Variants in DGAT1 observed in about 807,000 individuals in gnomAD.
DGAT1 encodes ACAT related gene product 1.
Under a neutral mutation model 72.6 loss-of-function variants are expected in DGAT1, and 60 were observed. The observed-to-expected ratio is 0.83, with a 90% CI of 0.67 to 1.02. The LOEUF (loss-of-function observed/expected upper bound fraction) is 1.02, where lower values mean the gene tolerates loss of function less well. DGAT1 is among the 50% of genes least tolerant of loss of function. The pLI is 0.00. For missense variants in DGAT1, 592 were observed against 670.0 expected (o/e 0.88, Z 1.29); for synonymous variants, 290 against 267.5 (o/e 1.08, Z -0.82).
Position 144,326,841 on chromosome 8 carries a change from G to C in DGAT1, c.-205C>G. The C allele has an allele frequency of 3.7e-6, 1 of 273,052 alleles. No individual in the cohort carries two copies. Among genetic ancestry groups the C allele is most frequent in the Non-Finnish European group, 6.3e-6 (1 of 159,832 alleles). The allele number at this position is 273,052 out of a possible 1,614,324, so 16.9% of individuals were successfully genotyped here. A position where few individuals can be genotyped will look rare whatever the true frequency, so the allele number is the denominator to read the frequency against. On this transcript the variant is annotated 5_prime_UTR_variant, in exon 1 of 17. Transcript: ENST00000528718. Reference sequence around the variant, plus strand: ...CAAGGACAACGGCTGCGTTGCTCCGGAGCCGCTAACTAATGGACGGCCGCC... The same window carrying C: ...CAAGGACAACGGCTGCGTTGCTCCGCAGCCGCTAACTAATGGACGGCCGCC...
chr8:144,317,329 T>A lies in DGAT1; in HGVS notation c.1094+4A>T, dbSNP rs781911226. 8 of 1,613,426 alleles carry A rather than the reference T, an allele frequency of 5.0e-6. No homozygotes were observed. The highest frequency in any genetic ancestry group is 6.8e-6 in the Non-Finnish European group (8 of 1,179,810). On this transcript the variant is annotated splice_donor_region_variant and intron_variant, in intron 13 of 16. Transcript: ENST00000528718. ...GCCCCCAGGGACACCCCAGGGACACTCACCACCAGTCCCGGTAGAACTCCC... is the reference window on the plus strand; with the variant it reads ...GCCCCCAGGGACACCCCAGGGACACACACCACCAGTCCCGGTAGAACTCCC...
chr8:144,317,322 G>A lies in DGAT1; in HGVS notation c.1094+11C>T. The A allele has an allele frequency of 6.2e-7, 1 of 1,613,414 alleles. No homozygotes were observed. The highest frequency in any genetic ancestry group is 1.7e-5 in the Admixed American group (1 of 60,016). On this transcript the variant is annotated intron_variant, in intron 13 of 16. Transcript: ENST00000528718. ...CATCCCAGCCCCCAGGGACACCCCA[G>A]GGACACTCACCACCAGTCCCGGTAG...
chr8:144,319,154 G>T, intron 2 of DGAT1, 86 bp from the exon 3 acceptor site: 1 of 1,475,896 alleles, frequency 6.8e-7, no homozygotes, highest in Non-Finnish European at 9.2e-7. Context: ...CTCTGGGCAC[G>T]TCCCAGCCCG....
rs781977696 is a variant in DGAT1 at position 144,316,231 on chromosome 8, G to A, written c.*323C>T. ...AGCTGTCCACACAGCTCTGGCACTC[G>A]CCCTTGTGGGTGTGGCCATACCCCC... is the stretch of plus-strand genomic sequence containing the variant. On this transcript the variant is annotated 3_prime_UTR_variant, in exon 17 of 17. Coordinates refer to ENST00000528718, the MANE Select transcript of DGAT1 (RefSeq NM_012079.6). 47 of 312,144 alleles carry A rather than the reference G, an allele frequency of 1.5e-4. No homozygotes were observed. Among genetic ancestry groups the A allele is most frequent in the Non-Finnish European group, 2.3e-4 (38 of 166,210 alleles). 19.3% of individuals were successfully genotyped at this position (312,144 alleles called of 1,614,324 possible). A position where few individuals can be genotyped will look rare whatever the true frequency, so the allele number is the denominator to read the frequency against.
chr8:144,326,359 C>A, intron 1 of DGAT1, 78 bp downstream of exon 1: 1 of 1,278,234 alleles, frequency 7.8e-7, no homozygotes, highest in South Asian at 1.8e-5. Context: ...TTCTCGGACT[C>A]GGAGCTCGCG....
Position 144,315,394 on chromosome 8 carries a change from C to T in DGAT1, c.*1160G>A, listed in dbSNP as rs1817165602. On this transcript the variant is annotated 3_prime_UTR_variant, in exon 17 of 17. Coordinates refer to ENST00000528718, the MANE Select transcript of DGAT1 (RefSeq NM_012079.6). ...CCACCCTCCCCTCACACCACCAGTT[C>T]AGCAGGTTGCTGATGAGGCCCCTGG... The T allele has an allele frequency of 1.0e-6, 1 of 985,408 alleles. No homozygotes were observed. Among genetic ancestry groups the T allele is most frequent in the African/African-American group, 1.7e-5 (1 of 57,236 alleles). The allele number at this position is 985,408 out of a possible 1,614,324, so 61.0% of individuals were successfully genotyped here. A position where few individuals can be genotyped will look rare whatever the true frequency, so the allele number is the denominator to read the frequency against.
At chr8:144,317,162 TCA>T (rs201213845) in intron 14 of DGAT1, 23 bp downstream of exon 14, 221 of 1,585,018 alleles carry the variant, frequency 1.4e-4, no homozygotes, top group Middle Eastern at 5.0e-4. Context: ...ATGTTCCACA[TCA>T]CACACACACA....
intron 1 of DGAT1, among the ~76,000 whole-genome samples, chr8:144,324,310 G>C (rs1817539378): frequency 6.6e-6 from 1 of 152,200 alleles, no homozygotes; most frequent in Non-Finnish European, 1.5e-5. Context: ...AGAGCAGCAG[G>C]AAGCTGGAGG....
chr8:144,315,784 GC>G lies in DGAT1; in HGVS notation c.*769del. On this transcript the variant is annotated 3_prime_UTR_variant, in exon 17 of 17. Transcript: ENST00000528718. The stretch of plus-strand genomic sequence containing the variant: ...CTGAGAGCCACCAGCCCACCTGGCT[GC>G]CCAGGTTCCAAGTGAAGGAAAGAGG... The G allele has an allele frequency of 1.1e-6, 1 of 952,168 alleles. No homozygotes were observed. Among genetic ancestry groups the G allele is most frequent in the East Asian group, 1.2e-4 (1 of 8,664 alleles). 59.0% of individuals were successfully genotyped at this position (952,168 alleles called of 1,614,324 possible). A position where few individuals can be genotyped will look rare whatever the true frequency, so the allele number is the denominator to read the frequency against.
intron 2 of DGAT1, among the ~76,000 whole-genome samples, chr8:144,319,312 G>A (rs1397349633): frequency 6.6e-6 from 1 of 152,182 alleles, no homozygotes; most frequent in Non-Finnish European, 1.5e-5. Context: ...GGTCCCACAT[G>A]GAGGGAACCA....
intron 2 of DGAT1, among the ~76,000 whole-genome samples, chr8:144,321,029 C>T (rs879995574): frequency 6.6e-6 from 1 of 152,168 alleles, no homozygotes; most frequent in Non-Finnish European, 1.5e-5. Context: ...ACTGTTCGGC[C>T]TCCCCACGCC....
chr8:144,326,824 A>G lies in DGAT1; in HGVS notation c.-188T>C, dbSNP rs552756240. On this transcript the variant is annotated 5_prime_UTR_variant, in exon 1 of 17. Transcript: ENST00000528718. ...GTCGGGCCCGTCGGCCTCAAGGACAACGGCTGCGTTGCTCCGGAGCCGCTA... is the reference window on the plus strand; with the variant it reads ...GTCGGGCCCGTCGGCCTCAAGGACAGCGGCTGCGTTGCTCCGGAGCCGCTA... 6 of 313,908 alleles carry G rather than the reference A, an allele frequency of 1.9e-5. No homozygotes were observed. Among genetic ancestry groups the G allele is most frequent in the Admixed American group, 5.6e-5 (1 of 17,786 alleles). The allele number at this position is 313,908 out of a possible 1,614,324, so 19.4% of individuals were successfully genotyped here. A position where few individuals can be genotyped will look rare whatever the true frequency, so the allele number is the denominator to read the frequency against.
Position 144,315,383 on chromosome 8 carries a change from C to T in DGAT1, c.*1171G>A. 3 of 985,356 alleles carry T rather than the reference C, an allele frequency of 3.0e-6. No homozygotes were observed. The highest frequency in any genetic ancestry group is 3.6e-6 in the Non-Finnish European group (3 of 829,832). 61.0% of individuals were successfully genotyped at this position (985,356 alleles called of 1,614,324 possible). A position where few individuals can be genotyped will look rare whatever the true frequency, so the allele number is the denominator to read the frequency against. ...ACCAAGGGAGCCCACCCTCCCCTCA[C>T]ACCACCAGTTCAGCAGGTTGCTGAT... On this transcript the variant is annotated 3_prime_UTR_variant, in exon 17 of 17. Coordinates refer to ENST00000528718, the MANE Select transcript of DGAT1 (RefSeq NM_012079.6).
intron 1 of DGAT1, among the ~76,000 whole-genome samples, chr8:144,322,180 G>A (rs1206863239): frequency 6.6e-6 from 1 of 152,216 alleles, no homozygotes; most frequent in Non-Finnish European, 1.5e-5. Context: ...TACTGCACAG[G>A]TGGAAGAGGG....
chr8:144,322,644 A>ATG (rs1817490574), intron 1 of DGAT1, among the ~76,000 whole-genome samples: 1 of 152,042 alleles, frequency 6.6e-6, no homozygotes, highest in Non-Finnish European at 1.5e-5. Context: ...CCCCATCTAC[A>ATG]CCTACACAGT....
chr8:144,322,042 G>A (rs1817474755), intron 1 of DGAT1, among the ~76,000 whole-genome samples: 1 of 152,220 alleles, frequency 6.6e-6, no homozygotes, highest in Non-Finnish European at 1.5e-5. Flanking sequence ...AGGCTGAGGG[G>A]GCTGAAAGGA....
In DGAT1 at chr8:144,317,967, G is replaced by T; in HGVS notation, c.802C>A (p.Pro268Thr). The T allele has an allele frequency of 6.6e-7, 1 of 1,519,888 alleles. No individual in the cohort carries two copies. Among genetic ancestry groups the T allele is most frequent in the African/African-American group, 1.4e-5 (1 of 71,854 alleles). The allele number at this position is 1,519,888 out of a possible 1,614,324, so 94.2% of individuals were successfully genotyped here. A position where few individuals can be genotyped will look rare whatever the true frequency, so the allele number is the denominator to read the frequency against. Residue 268 changes from proline to threonine, a missense_variant, in exon 9 of 17, where the codon CCC (proline) becomes ACC (threonine). By Grantham distance (38) the Pro-to-Thr change is conservative. Coordinates refer to ENST00000528718, the MANE Select transcript of DGAT1 (RefSeq NM_012079.6). ...CGCTTCCGGATGCGGGGAGAGCGGGGAAAGTTGAGCTCGTAGCACAAGGTG... is the reference window on the plus strand; with the variant it reads ...CGCTTCCGGATGCGGGGAGAGCGGGTAAAGTTGAGCTCGTAGCACAAGGTG... ...APTLCYELNFPRSPRIRKRFL... is the reference protein window; with the variant it reads ...APTLCYELNFTRSPRIRKRFL...
rs1817261737 is a variant in DGAT1, at chr8:144,317,103, G to C, written c.1167C>G (p.Phe389Leu). ...TGCCCCGTCGAAGCATGGGCTTGTA[G>C]AAGTGTCTGCAGAGGAGGGGGCATG... ...IPVHKWCIRH[F>L]YKPMLRRGSS... The change falls in exon 15 of 17, where the codon TTC (phenylalanine) becomes TTG (leucine). Residue 389 changes from phenylalanine (F) to leucine (L), a missense_variant. Phe to Leu is a conservative substitution (Grantham distance 22). Coordinates refer to ENST00000528718, the MANE Select transcript of DGAT1 (RefSeq NM_012079.6). The C allele has an allele frequency of 6.2e-7, 1 of 1,613,094 alleles. No individual in the cohort carries two copies. Among genetic ancestry groups the C allele is most frequent in the Non-Finnish European group, 8.5e-7 (1 of 1,179,926 alleles).
chr8:144,326,370 C>A, intron 1 of DGAT1, 67 bp downstream of exon 1: 1 of 1,328,108 alleles, frequency 7.5e-7, no homozygotes, highest in Non-Finnish European at 9.8e-7. Flanking sequence ...GGAGCTCGCG[C>A]TTCGGCCAAC....
Sources: gnomAD v4.1 joint callset for allele counts (sites outside exome capture counted in the v4.1 genomes callset) on GRCh38, gnomAD v4.1.1 for gene constraint, MANE v1.5 for transcripts, NCBI Gene and HGNC (gene_info 2026-07-23, HGNC 2026-07-21) for gene names.